The following SORCS2 variants were observed in gnomAD, a reference collection of about 807,000 sequenced individuals.
SORCS2 encodes the protein sortilin related VPS10 domain containing receptor 2.
A neutral mutation model predicts 141.6 loss-of-function variants in SORCS2; 100 were observed. The observed-to-expected ratio is 0.71, with a 90% CI of 0.60 to 0.83. The LOEUF (loss-of-function observed/expected upper bound fraction) is 0.83, where lower values mean the gene tolerates loss of function less well. Among genes scored for constraint, SORCS2 ranks in the 40% least tolerant of loss-of-function variants. The probability of loss-of-function intolerance (pLI) is 0.00; values close to 1 mark genes in which losing one functional copy is unlikely to be tolerated. For synonymous variants in SORCS2, 789 were observed against 676.9 expected, an observed-to-expected ratio of 1.17 and a Z score of -2.57; for missense variants, 1,646 against 1,560.2, an observed-to-expected ratio of 1.05 and a Z score of -0.93.
Position 7,734,388 on chromosome 4 carries a change from C to T in SORCS2, c.3311+14C>T, listed in dbSNP as rs1261473571. The T allele has an allele frequency of 3.3e-6, 5 of 1,494,690 alleles. No individual in the cohort carries two copies. The East Asian group carries it at 1.0e-4, about 30-fold the overall frequency. 92.6% of individuals were successfully genotyped at this position (1,494,690 alleles called of 1,614,324 possible). A position where few individuals can be genotyped will look rare whatever the true frequency, so the allele number is the denominator to read the frequency against. ...CAAGTTCAAAAGGCAAGGCCCTTGG[C>T]TGCCCTCCTCTGCGGGGCTCTGACC... is the stretch of plus-strand genomic sequence containing the variant. On this transcript the variant is annotated intron_variant, in intron 25 of 26. Coordinates refer to ENST00000507866, the MANE Select transcript of SORCS2 (RefSeq NM_020777.3).
At chr4:7,667,059 A>G in intron 7 of SORCS2, 65 bp from the exon 8 acceptor site, 1 of 1,410,542 alleles carries the variant, frequency 7.1e-7, no homozygotes, top group Non-Finnish European at 1.0e-6. Flanking sequence ...GTAGTTTTTC[A>G]TTCATGAGAC....
At chr4:7,527,289 T>C (rs76350696) in intron 2 of SORCS2, among the ~76,000 whole-genome samples, 2,530 of 152,336 alleles carry the variant, frequency 0.017, 81 homozygotes, top group African/African-American at 0.057. Flanking sequence ...CTACCTTACA[T>C]GGCAAAGGGG....
chr4:7,581,960 A>G (rs186326636), intron 3 of SORCS2, among the ~76,000 whole-genome samples: 2 of 152,248 alleles, frequency 1.3e-5, no homozygotes, highest in African/African-American at 2.4e-5. Flanking sequence ...AGACAATTTT[A>G]TACTCTGAAT....
At chr4:7,673,883 G>A (rs1302651964) in intron 8 of SORCS2, among the ~76,000 whole-genome samples, 1 of 152,124 alleles carries the variant, frequency 6.6e-6, no homozygotes, top group South Asian at 2.1e-4. Flanking sequence ...CATCCTCCCT[G>A]ACAATCTGAC....
chr4:7,323,795 G>A (rs765674131), intron 1 of SORCS2, among the ~76,000 whole-genome samples: 10 of 152,040 alleles, frequency 6.6e-5, no homozygotes, highest in South Asian at 2.1e-4. Context: ...CGAGAAATGG[G>A]AACAGAACCC....
intron 10 of SORCS2, among the ~76,000 whole-genome samples, chr4:7,687,400 G>A (rs978621700): frequency 2.0e-5 from 3 of 152,180 alleles, no homozygotes; most frequent in East Asian, 1.9e-4. Flanking sequence ...CTATTCACTC[G>A]TAGGCCTGCT....
intron 1 of SORCS2, among the ~76,000 whole-genome samples, chr4:7,388,677 C>T (rs1380478217): frequency 2.6e-5 from 4 of 152,100 alleles, no homozygotes; most frequent in African/African-American, 4.8e-5. Context: ...TCATGTCACA[C>T]GAAACTCACC....
chr4:7,570,695 C>G (rs554259981), intron 3 of SORCS2, among the ~76,000 whole-genome samples: 6 of 152,222 alleles, frequency 3.9e-5, no homozygotes, highest in South Asian at 4.1e-4. Context: ...TTGTCCCCTT[C>G]CCTCCCTGCC....
At position 7,663,808 on chromosome 4, in the gene SORCS2, C is replaced by G. The variant is rs558086732; in HGVS notation, c.953-545C>G. 6.6e-6 allele frequency among the ~76,000 whole-genome samples: 1 copy of G among 152,166 alleles called. No homozygotes were observed. The highest frequency in any genetic ancestry group is 2.4e-5 in the African/African-American group (1 of 41,434). On this transcript the variant is annotated intron_variant, in intron 6 of 26. Transcript: ENST00000507866. This position sits in a 1 kb window ranked among gnomAD's most constrained non-coding sequence, Gnocchi z 4.8. ...CTTCCTCCTGGCTCACAAGCTGGAA[C>G]GCAGAGCTTCCTGAGGCCTCCAGGA...
intron 3 of SORCS2, among the ~76,000 whole-genome samples, chr4:7,614,695 C>G (rs1384745865): frequency 1.3e-5 from 2 of 151,150 alleles, no homozygotes; most frequent in African/African-American, 2.4e-5. Flanking sequence ...TATCCATCCA[C>G]CTATCCACCC....
intron 2 of SORCS2, among the ~76,000 whole-genome samples, chr4:7,481,827 G>A (rs1037238427): frequency 1.3e-5 from 2 of 152,112 alleles, no homozygotes; most frequent in African/African-American, 4.8e-5. Flanking sequence ...GAGAGAGAAC[G>A]CTGGCAACGG....
chr4:7,479,684 TCTC>T (rs34890488), intron 2 of SORCS2, among the ~76,000 whole-genome samples: 18,289 of 152,132 alleles, frequency 0.12, 1,485 homozygotes, highest in African/African-American at 0.24. Context: ...GTGTCCCTCT[TCTC>T]CTCCTCTCCA....
At chr4:7,599,910 G>A (rs910651335) in intron 3 of SORCS2, among the ~76,000 whole-genome samples, 2 of 150,714 alleles carry the variant, frequency 1.3e-5, no homozygotes, top group Admixed American at 6.6e-5. Flanking sequence ...TACAGCCTCC[G>A]CCTCCCAAGT....
At chr4:7,533,211 G>T (rs998832540) in intron 3 of SORCS2, among the ~76,000 whole-genome samples, 1 of 152,194 alleles carries the variant, frequency 6.6e-6, no homozygotes, top group Non-Finnish European at 1.5e-5. Context: ...AGCTGAGGGT[G>T]GAGGGTGTTG....
chr4:7,509,302 G>A (rs2109456332), intron 2 of SORCS2, among the ~76,000 whole-genome samples: 1 of 152,294 alleles, frequency 6.6e-6, no homozygotes, highest in Non-Finnish European at 1.5e-5. Flanking sequence ...CCACAGAGGG[G>A]ATGGAGAGGG....
intron 3 of SORCS2, among the ~76,000 whole-genome samples, chr4:7,597,515 G>C (rs1203725236): frequency 2.7e-5 from 4 of 147,994 alleles, no homozygotes; most frequent in Non-Finnish European, 6.0e-5. Context: ...CATGCAATGA[G>C]AGGTTACACA....
chr4:7,659,267 T>G (rs1261834475), intron 5 of SORCS2, among the ~76,000 whole-genome samples: 1 of 147,146 alleles, frequency 6.8e-6, no homozygotes, highest in Non-Finnish European at 1.5e-5. Context: ...TCACTAAGGT[T>G]CCTTTCATCA....
At chr4:7,476,045 G>T (rs1284494270) in intron 2 of SORCS2, among the ~76,000 whole-genome samples, 1 of 152,198 alleles carries the variant, frequency 6.6e-6, no homozygotes, top group Non-Finnish European at 1.5e-5. Context: ...GGCAGGGGCT[G>T]AAGGCTCTCG....
intron 3 of SORCS2, among the ~76,000 whole-genome samples, chr4:7,540,673 A>G (rs1358637768): frequency 6.6e-6 from 1 of 152,160 alleles, no homozygotes; most frequent in African/African-American, 2.4e-5. Flanking sequence ...CGGCCCACAC[A>G]TCTGATGAAG....
Sources: gnomAD v4.1 joint callset for allele counts (sites outside exome capture counted in the v4.1 genomes callset) on GRCh38, gnomAD v4.1.1 for gene constraint, Gnocchi (gnomAD v3.1) non-coding constraint, MANE v1.5 for transcripts, NCBI Gene and HGNC (gene_info 2026-07-23, HGNC 2026-07-21) for gene names.